The following PRKG1 variants were observed in gnomAD, a reference collection of about 807,000 sequenced individuals.
PRKG1 encodes the protein protein kinase cGMP-dependent 1.
In PRKG1, 35 loss-of-function variants were observed where a neutral mutation model predicts 88.1. The ratio of observed to expected loss-of-function variants is 0.40; its 90% CI spans 0.30 to 0.53. The LOEUF is 0.53. Among genes scored for constraint, PRKG1 ranks in the 20% least tolerant of loss-of-function variants. The pLI is 0.59. For synonymous variants in PRKG1, 303 were observed against 292.5 expected (o/e 1.04, Z -0.37); for missense variants, 540 against 839.8 (o/e 0.64, Z 4.41).
In PRKG1 at chr10:51,513,556, C is replaced by A. The variant is rs1267925730; in HGVS notation, c.592+45720C>A. 4.3e-5 allele frequency among the ~76,000 whole-genome samples: 4 copies of A among 93,294 alleles called. No homozygotes were observed. The Admixed American group carries it at 5.5e-4, about 13-fold the overall frequency. 61.2% of individuals were successfully genotyped at this position (93,294 alleles called of 152,430 possible). ...AACAGAATATACATTTTTTTCAGCA[C>A]CACACCACACCTATTCCAAAATTGA... On this transcript the variant is annotated intron_variant, in intron 3 of 17. Transcript: ENST00000373980.
chr10:51,626,327 A>G (rs998907104), intron 3 of PRKG1, among the ~76,000 whole-genome samples: 1 of 152,228 alleles, frequency 6.6e-6, no homozygotes, highest in Non-Finnish European at 1.5e-5. Context: ...AGAAAAACAT[A>G]GTTGACATTT....
At chr10:51,375,801 C>T (rs1842806343) in intron 2 of PRKG1, among the ~76,000 whole-genome samples, 1 of 151,862 alleles carries the variant, frequency 6.6e-6, no homozygotes, top group Admixed American at 6.6e-5. Flanking sequence ...TAGTTCTTAT[C>T]AGTGGCCTGA....
chr10:51,723,168 G>A (rs963737632), intron 3 of PRKG1, among the ~76,000 whole-genome samples: 6 of 152,114 alleles, frequency 3.9e-5, no homozygotes, highest in African/African-American at 9.7e-5. Context: ...TAATAATCCT[G>A]ATTAATTGAG....
Position 52,212,363 on chromosome 10 carries a change from T to A in PRKG1, c.1077-39207T>A, listed in dbSNP as rs188443439. On this transcript the variant is annotated intron_variant, in intron 9 of 17. Transcript: ENST00000373980. ...TCACTGTATGGAGAAACCTTTAGGG[T>A]GAACTTAAAATAGGAAAGGAGGCAG... Among the ~76,000 whole-genome samples, 323 of 152,192 alleles carry A rather than the reference T, an allele frequency of 2.1e-3. 1 individual carries two copies. The highest frequency in any genetic ancestry group is 6.9e-3 in the African/African-American group (285 of 41,516).
At chr10:51,258,283 G>A (rs1250102153) in intron 2 of PRKG1, among the ~76,000 whole-genome samples, 2 of 152,178 alleles carry the variant, frequency 1.3e-5, no homozygotes, top group Non-Finnish European at 2.9e-5. Flanking sequence ...AGTCGAGACT[G>A]TAGTAAAATA....
chr10:51,002,441 A>G (rs1197216297), intron 1 of PRKG1, among the ~76,000 whole-genome samples: 1 of 152,198 alleles, frequency 6.6e-6, no homozygotes, highest in Non-Finnish European at 1.5e-5. Context: ...TTATTTATTT[A>G]CATGTATCTA....
chr10:52,166,797 ACATATATATATGTATATATATG>A (rs1423146217), intron 9 of PRKG1, among the ~76,000 whole-genome samples: 4 of 22,676 alleles, frequency 1.8e-4, no homozygotes, highest in African/African-American at 6.7e-4. Context: ...CTATATATAT[ACATATATATATGTATATATATG>A]TATATATATG....
At chr10:51,376,026 A>C (rs1170169261) in intron 2 of PRKG1, among the ~76,000 whole-genome samples, 2 of 152,228 alleles carry the variant, frequency 1.3e-5, no homozygotes, top group Non-Finnish European at 2.9e-5. Flanking sequence ...AAATTGTTGC[A>C]GAAAATTTGC....
chr10:52,272,584 T>A (rs2132434501), intron 12 of PRKG1, 103 bp downstream of exon 12: 1 of 787,928 alleles, frequency 1.3e-6, no homozygotes, highest in South Asian at 1.7e-5. Flanking sequence ...TATTTATAAT[T>A]TACACATGCT....
chr10:51,955,842 C>T lies in PRKG1; in HGVS notation c.762+48272C>T, dbSNP rs576395480. The stretch of plus-strand genomic sequence containing the variant: ...TTTTCTTTTGTTTTTAGAGTTAAAG[C>T]GAAAGTCTTAGAACATGCCTTCCTT... On this transcript the variant is annotated intron_variant, in intron 5 of 17. Coordinates refer to ENST00000373980, the MANE Select transcript of PRKG1 (RefSeq NM_006258.4). Among the ~76,000 whole-genome samples the T allele has an allele frequency of 5.9e-5, 9 of 152,116 alleles. No individual in the cohort carries two copies. In the East Asian group the frequency reaches 9.7e-4, roughly 16 times the overall value.
intron 7 of PRKG1, among the ~76,000 whole-genome samples, chr10:52,079,571 G>A (rs1280063403): frequency 6.6e-6 from 1 of 152,122 alleles, no homozygotes; most frequent in African/African-American, 2.4e-5. Flanking sequence ...AGTAAAAGTT[G>A]AGCACAGCAG....
intron 4 of PRKG1, among the ~76,000 whole-genome samples, chr10:51,847,330 G>T (rs549654879): frequency 6.6e-6 from 1 of 152,102 alleles, no homozygotes; most frequent in Non-Finnish European, 1.5e-5. Context: ...GCAAATATGC[G>T]TATAATCTCT....
At chr10:51,304,713 T>TA (rs943359739) in intron 2 of PRKG1, among the ~76,000 whole-genome samples, 1 of 143,374 alleles carries the variant, frequency 7.0e-6, no homozygotes, top group Non-Finnish European at 1.5e-5. Context: ...AATTCCCACC[T>TA]ATGAGTGAGA....
rs144937001 is a variant in PRKG1, at chr10:52,264,022, A to G, written c.1174-7328A>G. ...CAGTTATTTAATGTATAGTAACTTC[A>G]TGTCTTTTTTCCTGTTGAATTTTAG... On this transcript the variant is annotated intron_variant, in intron 10 of 17. Coordinates refer to ENST00000373980, the MANE Select transcript of PRKG1 (RefSeq NM_006258.4). Among the ~76,000 whole-genome samples the G allele has an allele frequency of 7.1e-3, 1,084 of 152,168 alleles. 7 individuals are homozygous for G. The highest frequency in any genetic ancestry group is 0.011 in the Non-Finnish European group (750 of 67,978).
intron 2 of PRKG1, among the ~76,000 whole-genome samples, chr10:51,294,925 A>T (rs1360298352): frequency 6.6e-6 from 1 of 152,106 alleles, no homozygotes; most frequent in Non-Finnish European, 1.5e-5. Flanking sequence ...AATTTGAAAC[A>T]TAAAAAAATT....
chr10:51,930,679 C>T (rs113774635), intron 5 of PRKG1, among the ~76,000 whole-genome samples: 6 of 151,502 alleles, frequency 4.0e-5, no homozygotes, highest in Admixed American at 1.3e-4. Context: ...TTAGTAGAGA[C>T]GGGGTTTCAC....
chr10:51,828,743 T>C (rs1307063679), intron 4 of PRKG1, among the ~76,000 whole-genome samples: 1 of 152,182 alleles, frequency 6.6e-6, no homozygotes. Context: ...AATAGACAGA[T>C]GATAAGGCAG....
chr10:51,800,317 G>C (rs1383402584), intron 3 of PRKG1, among the ~76,000 whole-genome samples: 3 of 152,040 alleles, frequency 2.0e-5, no homozygotes, highest in Non-Finnish European at 4.4e-5. Flanking sequence ...GATGCTCCTG[G>C]ACTTGCAATG....
At chr10:51,906,765 A>T (rs180885590) in intron 4 of PRKG1, among the ~76,000 whole-genome samples, 1 of 152,154 alleles carries the variant, frequency 6.6e-6, no homozygotes, top group Admixed American at 6.5e-5. Context: ...AGCAAAGGGG[A>T]TTCTGTATAG....
Sources: gnomAD v4.1 joint callset for allele counts (sites outside exome capture counted in the v4.1 genomes callset) on GRCh38, gnomAD v4.1.1 for gene constraint, MANE v1.5 for transcripts, NCBI Gene and HGNC (gene_info 2026-07-23, HGNC 2026-07-21) for gene names.